NIBAN1: variants seen among roughly 807,000 people sequenced by gnomAD.
NIBAN1 encodes the protein protein Niban 1.
A neutral mutation model predicts 75.1 loss-of-function variants in NIBAN1; 81 were observed. The observed-to-expected ratio is 1.08, with a 90% CI of 0.90 to 1.30. The LOEUF (loss-of-function observed/expected upper bound fraction) is 1.30. Ranked by LOEUF, NIBAN1 falls within the 50% of genes most tolerant of loss-of-function variation. The pLI, the probability that NIBAN1 is intolerant of heterozygous loss-of-function variation, is 0.00. For synonymous variants in NIBAN1, 436 were observed against 424.8 expected (o/e 1.03, Z -0.32); for missense variants, 1,133 against 1,128.1 (o/e 1.00, Z -0.06).
intron 8 of NIBAN1, among the ~76,000 whole-genome samples, chr1:184,822,229 G>A (rs745776349): frequency 1.3e-5 from 2 of 152,184 alleles, no homozygotes; most frequent in Non-Finnish European, 2.9e-5. Flanking sequence ...CACTAGGTAC[G>A]GGTGTGTTTG....
intron 6 of NIBAN1, among the ~76,000 whole-genome samples, chr1:184,826,045 C>T (rs546213612): frequency 3.3e-5 from 5 of 152,288 alleles, no homozygotes; most frequent in East Asian, 1.9e-4. Flanking sequence ...AGGGCTCTGT[C>T]GCAGCAAGGT....
At chr1:184,858,726 T>C (rs1375435288) in intron 5 of NIBAN1, among the ~76,000 whole-genome samples, 1 of 152,208 alleles carries the variant, frequency 6.6e-6, no homozygotes, top group Non-Finnish European at 1.5e-5. Flanking sequence ...TGAGGATATA[T>C]GTACAAGGAC....
intron 5 of NIBAN1, among the ~76,000 whole-genome samples, chr1:184,857,170 TG>T (rs1381804240): frequency 6.6e-6 from 1 of 152,204 alleles, no homozygotes; most frequent in Non-Finnish European, 1.5e-5. Context: ...TGCAAGGTGA[TG>T]GGTTCTGGAG....
intron 5 of NIBAN1, among the ~76,000 whole-genome samples, chr1:184,856,705 T>C (rs574186569): frequency 3.3e-5 from 5 of 152,216 alleles, no homozygotes; most frequent in South Asian, 2.1e-4. Context: ...ATTTGGTTCA[T>C]GGGCATAAAG....
Position 184,795,008 on chromosome 1 carries a change from T to C in NIBAN1, c.2756A>G (p.Glu919Gly), listed in dbSNP as rs1653798754. 6.2e-7 allele frequency: 1 copy of C among 1,612,308 alleles called. No individual in the cohort carries two copies. The highest frequency in any genetic ancestry group is 1.7e-5 in the Admixed American group (1 of 59,996). The change falls in exon 14 of 14, where the codon GAG becomes GGG. Residue 919 changes from glutamate to glycine, a missense_variant. Coordinates refer to ENST00000367511, the MANE Select transcript of NIBAN1 (RefSeq NM_052966.4). ...CTCTGAGGGCAGCTCTGGGAAACTC[T>C]CCTGACCACCTTCTCCCTCCTTCAC... is the stretch of plus-strand genomic sequence containing the variant. The part of the protein sequence containing the change: ...DDVKEGEGGQ[E>G]SFPELPSEE
intron 5 of NIBAN1, among the ~76,000 whole-genome samples, chr1:184,863,028 T>C (rs1345614761): frequency 6.6e-6 from 1 of 152,156 alleles, no homozygotes; most frequent in African/African-American, 2.4e-5. Context: ...CCCTGTGTGT[T>C]GTTTCTCACC....
intron 1 of NIBAN1, among the ~76,000 whole-genome samples, chr1:184,942,495 C>T (rs933627559): frequency 1.2e-4 from 19 of 152,278 alleles, no homozygotes; most frequent in African/African-American, 4.1e-4. Flanking sequence ...AGATCGAGAC[C>T]ATCCTGGCTA....
In NIBAN1 at chr1:184,899,288, T is replaced by C. The variant is rs1447552227; in HGVS notation, c.77A>G (p.Lys26Arg). 1.2e-6 allele frequency: 2 copies of C among 1,613,758 alleles called. No homozygotes were observed. Among genetic ancestry groups the C allele is most frequent in the East Asian group, 4.5e-5 (2 of 44,878 alleles). ...ACGACTGTAGTAGGGACTGAAGTTT[T>C]TGATGGCAGCCTCAGTTTTCCCTAG... is the stretch of plus-strand genomic sequence containing the variant. ...YIRGKTEAAI[K>R]NFSPYYSRQY... Residue 26 changes from lysine to arginine, a missense_variant, in exon 2 of 14, where the codon AAA becomes AGA. Physicochemically the swap from Lys to Arg is conservative, Grantham distance 26. Transcript: ENST00000367511.
intron 1 of NIBAN1, among the ~76,000 whole-genome samples, chr1:184,949,554 G>A (rs1229742393): frequency 6.6e-6 from 1 of 152,014 alleles, no homozygotes; most frequent in African/African-American, 2.4e-5. Flanking sequence ...TATAACTTGC[G>A]CAAAGAGGAC....
At chr1:184,838,012 G>A (rs541086137) in intron 5 of NIBAN1, among the ~76,000 whole-genome samples, 2 of 152,106 alleles carry the variant, frequency 1.3e-5, no homozygotes, top group East Asian at 3.9e-4. Context: ...AATAGACTAG[G>A]TATTGTCCGA....
intron 9 of NIBAN1, among the ~76,000 whole-genome samples, chr1:184,814,563 C>G (rs1237240491): frequency 2.0e-5 from 3 of 152,140 alleles, no homozygotes; most frequent in African/African-American, 7.2e-5. Context: ...AGCTGTTCCC[C>G]TCTCCATCAG....
chr1:184,907,235 C>G (rs532913844), intron 1 of NIBAN1, among the ~76,000 whole-genome samples: 113 of 151,584 alleles, frequency 7.5e-4, no homozygotes, highest in African/African-American at 2.7e-3. Flanking sequence ...AAAAAAATCA[C>G]GACTTTCAGA....
In NIBAN1 at chr1:184,957,882, AT is replaced by A. The variant is rs1658530965; in HGVS notation, c.55+16419del. On this transcript the variant is annotated intron_variant, in intron 1 of 13. Transcript: ENST00000367511. ...TATGCCTTACTTCCCAAATATAAAT[AT>A]TTTATTTGATAATGAAGAAGTTGCA... Among the ~76,000 whole-genome samples, 4 of 152,316 alleles carry A rather than the reference AT, an allele frequency of 2.6e-5. No individual in the cohort carries two copies. The South Asian group carries it at 8.3e-4, about 32-fold the overall frequency.
chr1:184,913,540 A>G (rs905914737), intron 1 of NIBAN1, among the ~76,000 whole-genome samples: 1 of 152,224 alleles, frequency 6.6e-6, no homozygotes, highest in African/African-American at 2.4e-5. Context: ...GTATAGTCTC[A>G]TAAAAGACAA....
chr1:184,817,352 T>C (rs536538916), intron 9 of NIBAN1, among the ~76,000 whole-genome samples: 2 of 152,238 alleles, frequency 1.3e-5, no homozygotes, highest in Non-Finnish European at 2.9e-5. Flanking sequence ...TGTGTCTTTA[T>C]AGTAGCATGA....
At chr1:184,889,956 C>A in intron 4 of NIBAN1, 152 bp downstream of exon 4, 2 of 632,936 alleles carry the variant, frequency 3.2e-6, no homozygotes, top group Admixed American at 5.3e-5. Context: ...AATGCCATAG[C>A]ACCCCGATTC....
intron 9 of NIBAN1, among the ~76,000 whole-genome samples, chr1:184,817,903 G>A (rs946589437): frequency 6.6e-6 from 1 of 152,228 alleles, no homozygotes; most frequent in Non-Finnish European, 1.5e-5. Flanking sequence ...ATAGACTGCT[G>A]AATGTTCAAA....
In NIBAN1 at chr1:184,957,328, C is replaced by T. The variant is rs548927244; in HGVS notation, c.55+16974G>A. Among the ~76,000 whole-genome samples the T allele has an allele frequency of 1.4e-4, 22 of 152,182 alleles. No homozygotes were observed. The East Asian group carries it at 2.9e-3, about 20-fold the overall frequency. On this transcript the variant is annotated intron_variant, in intron 1 of 13. Coordinates refer to ENST00000367511, the MANE Select transcript of NIBAN1 (RefSeq NM_052966.4). The stretch of plus-strand genomic sequence containing the variant: ...AAGGTGCCTATTTAAACCCTGCGTC[C>T]GACTCTTTCATAATGAATAAATAAA...
intron 5 of NIBAN1, among the ~76,000 whole-genome samples, chr1:184,841,808 C>T (rs984012073): frequency 7.2e-5 from 11 of 152,198 alleles, no homozygotes; most frequent in African/African-American, 2.7e-4. Context: ...TACCTTGTAA[C>T]AGGTGTACAG....
Sources: allele counts gnomAD v4.1 joint callset (sites outside exome capture counted in the v4.1 genomes callset), GRCh38; gene constraint gnomAD v4.1.1; transcripts MANE v1.5; gene names NCBI Gene and HGNC (gene_info 2026-07-23, HGNC 2026-07-21).